The following CEACAM8 variants were observed in gnomAD, a reference collection of about 807,000 sequenced individuals.
CEACAM8 encodes the protein cell adhesion molecule CEACAM8.
In CEACAM8, 31 loss-of-function variants were observed where a neutral mutation model predicts 33.4. That is an observed-to-expected ratio of 0.93 (90% confidence interval 0.70 to 1.25). The LOEUF is 1.25. Among genes scored for constraint, CEACAM8 ranks in the 50% most tolerant of loss-of-function variants. The pLI is 0.00. For missense variants in CEACAM8, 388 were observed against 434.6 expected (o/e 0.89, Z 0.95); for synonymous variants, 138 against 164.5 (o/e 0.84, Z 1.23).
rs753154373 is a variant in CEACAM8, at chr19:42,593,587, C to G, written c.378G>C (p.Lys126Asn). The change falls in exon 2 of 6, where the codon AAG (lysine) becomes AAC (asparagine). Residue 126 changes from lysine (K) to asparagine (N), a missense_variant. Lys to Asn is a moderately conservative substitution (Grantham distance 94, BLOSUM62 0). Transcript: ENST00000244336. Reference protein sequence around the residue: ...DTGSYTLQVIKLNLMSEEVTG... With the variant: ...DTGSYTLQVINLNLMSEEVTG... The stretch of plus-strand genomic sequence containing the variant: ...TTACTTCTTCACTCATAAGATTTAG[C>G]TTTATGACTTGTAGGGTGTAGGATC... 2.5e-6 allele frequency: 4 copies of G among 1,599,500 alleles called. No individual in the cohort carries two copies. The East Asian group carries it at 8.9e-5, about 36-fold the overall frequency.
chr19:42,594,318 G>A (rs2042506019), intron 1 of CEACAM8, among the ~76,000 whole-genome samples: 1 of 151,964 alleles, frequency 6.6e-6, no homozygotes, highest in East Asian at 1.9e-4. Flanking sequence ...TGTGAGGGCA[G>A]GGACTTGTGT....
chr19:42,587,118 A>C (rs1272544055), intron 4 of CEACAM8, among the ~76,000 whole-genome samples: 1 of 152,212 alleles, frequency 6.6e-6, no homozygotes, highest in Non-Finnish European at 1.5e-5. Flanking sequence ...GAAGTGGAAA[A>C]ATTGGAGCTC....
chr19:42,583,017 A>G, intron 5 of CEACAM8, 189 bp downstream of exon 5: 1 of 491,914 alleles, frequency 2.0e-6, no homozygotes, highest in East Asian at 3.4e-5. Flanking sequence ...GGCTGGGAAT[A>G]ATCACATCTA....
chr19:42,585,326 A>AAC (rs1555805779), intron 4 of CEACAM8, among the ~76,000 whole-genome samples: 11 of 148,888 alleles, frequency 7.4e-5, no homozygotes, highest in African/African-American at 2.3e-4. Flanking sequence ...AAAAAAAAAA[A>AAC]AAACAAACAA....
chr19:42,593,712 A>C lies in CEACAM8; in HGVS notation c.253T>G (p.Ser85Ala), dbSNP rs376275020. 2.7e-4 allele frequency: 432 copies of C among 1,614,006 alleles called. 3 individuals carry two copies. The South Asian group carries it at 4.5e-3, about 17-fold the overall frequency. Residue 85 changes from serine (S) to alanine (A), a missense_variant, in exon 2 of 6, where the codon TCA becomes GCA. Coordinates refer to ENST00000244336, the MANE Select transcript of CEACAM8 (RefSeq NM_001816.4). Reference sequence around the variant, plus strand: ...GGCCCTGGGGTAATCTGTTGATTTGATATTACATATCCTATAATTCGACGG... The same window carrying C: ...GGCCCTGGGGTAATCTGTTGATTTGCTATTACATATCCTATAATTCGACGG... Reference protein sequence around the residue: ...ANRRIIGYVISNQQITPGPAY... With the variant: ...ANRRIIGYVIANQQITPGPAY...
intron 2 of CEACAM8, among the ~76,000 whole-genome samples, chr19:42,590,194 T>C (rs1320813089): frequency 6.6e-6 from 1 of 152,202 alleles, no homozygotes; most frequent in African/African-American, 2.4e-5. Flanking sequence ...GACATGCCAC[T>C]ATCCTTAATT....
At position 42,593,890 on chromosome 19, in the gene CEACAM8, G is replaced by C. The variant is rs961216686; in HGVS notation, c.75C>G (p.Phe25Leu). The stretch of plus-strand genomic sequence containing the variant: ...CAGTGGTGGGCGGGTTCCAGAAGGT[G>C]AAAAGTGAGGCTAGGAGGGGGAGAG... ...WQGLLLTASL[F>L]TFWNPPTTAQ... The change falls in exon 2 of 6, where the codon TTC (phenylalanine) becomes TTG (leucine). Residue 25 changes from phenylalanine to leucine, a missense_variant. Phe to Leu is a conservative substitution (Grantham distance 22, BLOSUM62 0). Transcript: ENST00000244336. The C allele has an allele frequency of 2.5e-6, 4 of 1,587,848 alleles. No homozygotes were observed. Among genetic ancestry groups the C allele is most frequent in the Non-Finnish European group, 3.4e-6 (4 of 1,163,784 alleles).
chr19:42,594,633 T>C, intron 1 of CEACAM8, 132 bp downstream of exon 1: 2 of 685,786 alleles, frequency 2.9e-6, no homozygotes, highest in South Asian at 3.1e-5. Flanking sequence ...TTCCCCTCTC[T>C]TGTGTCCTCT....
Position 42,593,776 on chromosome 19 carries a change from A to C in CEACAM8, c.189T>G (p.Arg63=). The stretch of plus-strand genomic sequence containing the variant: ...TTTCCCCTTTGTACCAGTTGTAGCC[A>C]CGAGGGTCCTGGGGCAGATTGTGGA... ...LLVHNLPQDP[R]GYNWYKGETV... The change falls in exon 2 of 6, where the codon CGT becomes CGG. Residue 63 remains arginine, a synonymous_variant. Coordinates refer to ENST00000244336, the MANE Select transcript of CEACAM8 (RefSeq NM_001816.4). 6.2e-7 allele frequency: 1 copy of C among 1,614,096 alleles called. No homozygotes were observed. Among genetic ancestry groups the C allele is most frequent in the Non-Finnish European group, 8.5e-7 (1 of 1,180,012 alleles).
At chr19:42,584,794 G>C (rs1600287432) in intron 4 of CEACAM8, among the ~76,000 whole-genome samples, 1 of 152,206 alleles carries the variant, frequency 6.6e-6, no homozygotes, top group East Asian at 1.9e-4. Flanking sequence ...TCATGGTACA[G>C]GAGAAAAACA....
At chr19:42,587,785 A>G (rs956920270) in intron 4 of CEACAM8, among the ~76,000 whole-genome samples, 3 of 152,160 alleles carry the variant, frequency 2.0e-5, no homozygotes, top group South Asian at 2.1e-4. Context: ...CGGGTGGATC[A>G]CCTGAGTTCG....
Position 42,589,030 on chromosome 19 carries a change from C to G in CEACAM8, c.712G>C (p.Asp238His). ...PVTLNVLYGP[D>H]APTISPSDTY... ...TCTGAAGGGGAAATGGTGGGGGCATCTGGGCCATCTAGAGCAAAAGAATAA... is the reference window on the plus strand; with the variant it reads ...TCTGAAGGGGAAATGGTGGGGGCATGTGGGCCATCTAGAGCAAAAGAATAA... Residue 238 changes from aspartate to histidine, a missense_variant, in exon 4 of 6, where the codon GAT (aspartate) becomes CAT (histidine). Coordinates refer to ENST00000244336, the MANE Select transcript of CEACAM8 (RefSeq NM_001816.4). 6.2e-7 allele frequency: 1 copy of G among 1,612,904 alleles called. No individual in the cohort carries two copies. The highest frequency in any genetic ancestry group is 8.5e-7 in the Non-Finnish European group (1 of 1,179,104).
intron 4 of CEACAM8, among the ~76,000 whole-genome samples, chr19:42,585,440 A>G (rs1048833210): frequency 1.3e-5 from 2 of 152,184 alleles, no homozygotes. Context: ...AATAAATTGG[A>G]TAGCCTAGAT....
chr19:42,589,829 G>T, intron 2 of CEACAM8, 94 bp from the exon 3 acceptor site: 1 of 1,590,104 alleles, frequency 6.3e-7, no homozygotes, highest in Admixed American at 1.7e-5. Context: ...CCACCTCTCA[G>T]CCTACTCGAG....
At chr19:42,594,441 G>A (rs2042508391) in intron 1 of CEACAM8, among the ~76,000 whole-genome samples, 2 of 152,168 alleles carry the variant, frequency 1.3e-5, no homozygotes, top group Admixed American at 6.5e-5. Flanking sequence ...GTCTGACATT[G>A]TTGGCTGAGG....
chr19:42,583,278 T>G lies in CEACAM8; in HGVS notation c.1018A>C (p.Ile340Leu), dbSNP rs1384862381. 1 of 1,613,370 alleles carries G rather than the reference T, an allele frequency of 6.2e-7. No individual in the cohort carries two copies. Among genetic ancestry groups the G allele is most frequent in the Non-Finnish European group, 8.5e-7 (1 of 1,179,372 alleles). The change falls in exon 5 of 6, where the codon ATT (isoleucine) becomes CTT (leucine). Residue 340 changes from isoleucine to leucine, a missense_variant. Ile to Leu is a conservative substitution (Grantham distance 5). Transcript: ENST00000244336. ...LSARATVSIM[I>L]GVLARVALI ...AGAGCCACCCTGGCCAGTACTCCAA[T>G]CATGATGCTGACAGTGGCTCTAGCT...
At chr19:42,589,263 C>T (rs985286841) in intron 3 of CEACAM8, among the ~76,000 whole-genome samples, 194 bp downstream of exon 3, 1 of 152,162 alleles carries the variant, frequency 6.6e-6, no homozygotes, top group Non-Finnish European at 1.5e-5. Flanking sequence ...ACAGGAGCAC[C>T]CCCTCCCCTC....
At chr19:42,583,023 A>G (rs2042281122) in intron 5 of CEACAM8, 183 bp downstream of exon 5, 2 of 539,336 alleles carry the variant, frequency 3.7e-6, no homozygotes, top group South Asian at 5.7e-5. Flanking sequence ...GAATAATCAC[A>G]TCTAAGAGAC....
At chr19:42,591,573 T>C (rs533228512) in intron 2 of CEACAM8, among the ~76,000 whole-genome samples, 14 of 152,336 alleles carry the variant, frequency 9.2e-5, no homozygotes, top group African/African-American at 3.4e-4. Context: ...CGCAATGCTT[T>C]CTTCATTTTC....
Sources: allele counts gnomAD v4.1 joint callset (sites outside exome capture counted in the v4.1 genomes callset), GRCh38; gene constraint gnomAD v4.1.1; transcripts MANE v1.5; gene names NCBI Gene and HGNC (gene_info 2026-07-23, HGNC 2026-07-21).